The following SUPT3H variants were observed in gnomAD, a reference collection of about 807,000 sequenced individuals.
The protein encoded by SUPT3H is SPT3 homolog, SAGA and STAGA complex component.
In SUPT3H, 44 loss-of-function variants were observed where a neutral mutation model predicts 44.3. The observed-to-expected ratio is 0.99, with a 90% CI of 0.78 to 1.28. The LOEUF is 1.28. SUPT3H is among the 50% of genes most tolerant of loss of function. The pLI, the probability that SUPT3H is intolerant of heterozygous loss-of-function variation, is 0.00. For synonymous variants in SUPT3H, 124 were observed against 125.6 expected, an observed-to-expected ratio of 0.99 and a Z score of 0.09; for missense variants, 380 against 387.1, an observed-to-expected ratio of 0.98 and a Z score of 0.15.
intron 2 of SUPT3H, among the ~76,000 whole-genome samples, chr6:45,264,168 T>A (rs887587676): frequency 6.6e-6 from 1 of 152,060 alleles, no homozygotes; most frequent in African/African-American, 2.4e-5. Context: ...TTTAAAAAAT[T>A]TACATAAGCA....
intron 2 of SUPT3H, among the ~76,000 whole-genome samples, chr6:45,267,066 C>T (rs1775374137): frequency 6.6e-6 from 1 of 152,090 alleles, no homozygotes; most frequent in Admixed American, 6.6e-5. Flanking sequence ...CATGTTTAGA[C>T]TTGGGTCCCA....
chr6:45,032,265 G>C (rs1436735014), intron 3 of SUPT3H, among the ~76,000 whole-genome samples: 2 of 152,006 alleles, frequency 1.3e-5, no homozygotes, highest in Admixed American at 1.3e-4. Flanking sequence ...TGAAAAGTCG[G>C]GTTTCCCTAA....
intron 2 of SUPT3H, among the ~76,000 whole-genome samples, chr6:45,333,380 T>C (rs1787905864): frequency 6.6e-6 from 1 of 151,570 alleles, no homozygotes; most frequent in Non-Finnish European, 1.5e-5. Flanking sequence ...TTTTAAGACC[T>C]GTATAGCAAT....
At chr6:45,077,649 A>G (rs1287804463) in intron 3 of SUPT3H, among the ~76,000 whole-genome samples, 5 of 30,032 alleles carry the variant, frequency 1.7e-4, no homozygotes, top group African/African-American at 9.5e-4. Flanking sequence ...AAAAGAAAAG[A>G]AAAAAAAAAG....
At position 44,989,198 on chromosome 6, in the gene SUPT3H, T is replaced by C. The variant is rs532516969; in HGVS notation, c.504+14455A>G. Among the ~76,000 whole-genome samples, 3 of 152,218 alleles carry C rather than the reference T, an allele frequency of 2.0e-5. No individual in the cohort carries two copies. In the East Asian group the frequency reaches 5.8e-4, roughly 29 times the overall value. On this transcript the variant is annotated intron_variant, in intron 6 of 10. Transcript: ENST00000371459. Reference sequence around the variant, plus strand: ...AGGCCACCAAAATAACCCATCACCCTTTGGTTACACTGCATGTATAAGTGA... The same window carrying C: ...AGGCCACCAAAATAACCCATCACCCCTTGGTTACACTGCATGTATAAGTGA...
At chr6:45,346,567 C>CTTTTT (rs71745024) in intron 2 of SUPT3H, among the ~76,000 whole-genome samples, 2,321 of 140,392 alleles carry the variant, frequency 0.017, 51 homozygotes, top group South Asian at 0.08. Flanking sequence ...ATAAACATTT[C>CTTTTT]TTTTTTTTTT....
chr6:45,115,422 A>G (rs572167578), intron 2 of SUPT3H, among the ~76,000 whole-genome samples: 1 of 152,284 alleles, frequency 6.6e-6, no homozygotes, highest in South Asian at 2.1e-4. Context: ...GGAAAATGAC[A>G]TATTTTATTC....
intron 10 of SUPT3H, among the ~76,000 whole-genome samples, chr6:44,888,794 G>C (rs1345227984): frequency 2.6e-5 from 4 of 151,850 alleles, no homozygotes; most frequent in African/African-American, 9.7e-5. Flanking sequence ...GGAAATAAAG[G>C]GTATTCAATT....
intron 5 of SUPT3H, among the ~76,000 whole-genome samples, chr6:45,012,838 T>G (rs1783694921): frequency 6.6e-6 from 1 of 152,176 alleles, no homozygotes; most frequent in Admixed American, 6.6e-5. Context: ...ATTTCATGAC[T>G]TGGCTGAACT....
intron 3 of SUPT3H, among the ~76,000 whole-genome samples, chr6:45,035,766 G>A (rs901623264): frequency 1.3e-5 from 2 of 151,908 alleles, no homozygotes; most frequent in Non-Finnish European, 1.5e-5. Flanking sequence ...CTCACTTTCC[G>A]TTTTAATTTG....
intron 6 of SUPT3H, among the ~76,000 whole-genome samples, chr6:44,981,956 G>A (rs572686976): frequency 4.6e-5 from 7 of 151,738 alleles, no homozygotes; most frequent in Non-Finnish European, 8.8e-5. Context: ...TGGGAGGATC[G>A]CTTGAGCACA....
chr6:45,288,603 ATATATATATG>A (rs879868399), intron 2 of SUPT3H, among the ~76,000 whole-genome samples: 6,410 of 48,702 alleles, frequency 0.13, 268 homozygotes, highest in Non-Finnish European at 0.16. Context: ...ATATGTGTAT[ATATATATATG>A]TATATATATA....
chr6:45,085,003 T>C (rs913371803), intron 3 of SUPT3H, among the ~76,000 whole-genome samples: 8 of 152,066 alleles, frequency 5.3e-5, no homozygotes, highest in Non-Finnish European at 1.0e-4. Context: ...AAACTACCTG[T>C]TGGGTCCTAT....
intron 2 of SUPT3H, among the ~76,000 whole-genome samples, chr6:45,288,902 C>T (rs1779847651): frequency 6.6e-6 from 1 of 151,908 alleles, no homozygotes; most frequent in Non-Finnish European, 1.5e-5. Flanking sequence ...TCCACTGACT[C>T]AGTTTTAAAG....
chr6:45,302,122 T>C (rs1782220498), intron 2 of SUPT3H, among the ~76,000 whole-genome samples: 1 of 152,132 alleles, frequency 6.6e-6, no homozygotes, highest in South Asian at 2.1e-4. Context: ...TTTATTTCCA[T>C]AGGCTTTGCG....
At chr6:45,132,697 T>TGGAAAAGAACCCAATGGAAAATAATAAC in intron 2 of SUPT3H, among the ~76,000 whole-genome samples, 1 of 152,174 alleles carries the variant, frequency 6.6e-6, no homozygotes, top group Non-Finnish European at 1.5e-5. Context: ...AAATAACCCA[T>TGGAAAAGAACCCAATGGAAAATAATAAC]CTGAATTTAT....
At chr6:45,230,611 A>C (rs1306112820) in intron 2 of SUPT3H, among the ~76,000 whole-genome samples, 1 of 144,228 alleles carries the variant, frequency 6.9e-6, no homozygotes. Flanking sequence ...CAAGTGAAGT[A>C]CACTTCTGGT....
chr6:45,156,994 G>C (rs1807934023), intron 2 of SUPT3H, among the ~76,000 whole-genome samples: 1 of 151,968 alleles, frequency 6.6e-6, no homozygotes, highest in Non-Finnish European at 1.5e-5. Context: ...TTGATCTGTT[G>C]ATTTGATCAG....
At chr6:45,280,930 TA>T (rs956279157) in intron 2 of SUPT3H, among the ~76,000 whole-genome samples, 1 of 152,164 alleles carries the variant, frequency 6.6e-6, no homozygotes, top group Admixed American at 6.5e-5. Flanking sequence ...GTAATGTCCA[TA>T]AAAAACATAC....
Sources: allele counts gnomAD v4.1 joint callset (sites outside exome capture counted in the v4.1 genomes callset), GRCh38; gene constraint gnomAD v4.1.1; transcripts MANE v1.5; gene names NCBI Gene and HGNC (gene_info 2026-07-23, HGNC 2026-07-21).